PDE1C: variants seen among roughly 807,000 people sequenced by gnomAD.
PDE1C encodes phosphodiesterase 1C, also known as dual specificity calcium/calmodulin-dependent 3',5'-cyclic nucleotide phosphodiesterase 1C.
PDE1C carries 62 observed loss-of-function variants against 93.1 expected under a neutral mutation model. That is an observed-to-expected ratio of 0.67 (90% CI 0.54 to 0.82). The LOEUF (loss-of-function observed/expected upper bound fraction) is 0.82. PDE1C is among the 40% of genes least tolerant of loss of function. The probability of loss-of-function intolerance (pLI) is 0.00; values close to 1 mark genes in which losing one functional copy is unlikely to be tolerated. For synonymous variants in PDE1C, 325 were observed against 310.1 expected, an observed-to-expected ratio of 1.05 and a Z score of -0.50; for missense variants, 742 against 884.6, an observed-to-expected ratio of 0.84 and a Z score of 2.04.
At chr7:31,924,652 T>C (rs1160935232) in intron 2 of PDE1C, among the ~76,000 whole-genome samples, 4 of 152,342 alleles carry the variant, frequency 2.6e-5, no homozygotes, top group South Asian at 4.2e-4. Flanking sequence ...CCCGAGTTTA[T>C]ATATAAGCAG....
chr7:31,765,910 C>A (rs1382476489), intron 17 of PDE1C, among the ~76,000 whole-genome samples: 1 of 152,170 alleles, frequency 6.6e-6, no homozygotes, highest in Non-Finnish European at 1.5e-5. Context: ...GAAAAGAGCA[C>A]AGGCCTGCCC....
At chr7:31,796,413 T>C (rs1323676888) in intron 16 of PDE1C, among the ~76,000 whole-genome samples, 1 of 151,688 alleles carries the variant, frequency 6.6e-6, no homozygotes, top group African/African-American at 2.4e-5. Context: ...TCACCTGCCA[T>C]CTTGTTCCTT....
chr7:32,176,972 G>A (rs890280928), intron 2 of PDE1C, among the ~76,000 whole-genome samples: 1 of 152,206 alleles, frequency 6.6e-6, no homozygotes, highest in Non-Finnish European at 1.5e-5. Context: ...AGGCTCTGAA[G>A]AGATGTTTGC....
At chr7:31,717,663 A>G in the PDE1C span, among the ~76,000 whole-genome samples, 3 of 152,322 alleles carry the variant, frequency 2.0e-5, no homozygotes, top group Admixed American at 2.0e-4. Context: ...AAAAAGACCA[A>G]AAATTAAGCA....
At chr7:31,634,386 C>T in the PDE1C span, among the ~76,000 whole-genome samples, 1 of 152,104 alleles carries the variant, frequency 6.6e-6, no homozygotes, top group African/African-American at 2.4e-5. Context: ...ATTATGTAGC[C>T]TATATATTAT....
chr7:31,881,908 G>A (rs1431064739), intron 2 of PDE1C, among the ~76,000 whole-genome samples: 1 of 152,152 alleles, frequency 6.6e-6, no homozygotes, highest in East Asian at 1.9e-4. Context: ...ATAACCAAAT[G>A]AGAAAAATTC....
intron 2 of PDE1C, among the ~76,000 whole-genome samples, chr7:32,199,716 T>C (rs1584945427): frequency 6.6e-6 from 1 of 152,202 alleles, no homozygotes; most frequent in South Asian, 2.1e-4. Context: ...TTCTGTCATT[T>C]TTAAATAGAC....
chr7:32,397,073 AG>A (rs1784851258), intron 1 of PDE1C, among the ~76,000 whole-genome samples: 1 of 152,200 alleles, frequency 6.6e-6, no homozygotes, highest in Non-Finnish European at 1.5e-5. Flanking sequence ...GGTAGGGAAA[AG>A]CTTCCTAACT....
At position 31,837,113 on chromosome 7, in the gene PDE1C, G is replaced by A. The variant is rs142098702; in HGVS notation, c.1203+67C>T. ...TCTCAATAGTCCTTATCCTAGCATT[G>A]CTGAGATATAAAATTCATAAAATAT... On this transcript the variant is annotated intron_variant, in intron 11 of 17. Transcript: ENST00000396191. 4.0e-6 allele frequency: 6 copies of A among 1,505,696 alleles called. No homozygotes were observed. The African/African-American group carries it at 6.9e-5, about 17-fold the overall frequency. The allele number at this position is 1,505,696 out of a possible 1,614,324, so 93.3% of individuals were successfully genotyped here.
At chr7:32,018,864 C>T (rs868117980) in intron 2 of PDE1C, among the ~76,000 whole-genome samples, 1 of 151,912 alleles carries the variant, frequency 6.6e-6, no homozygotes, top group African/African-American at 2.4e-5. Context: ...TTTTTCTAAT[C>T]CCTTGACAAC....
At chr7:31,843,288 C>T (rs532556300) in intron 9 of PDE1C, among the ~76,000 whole-genome samples, 13 of 151,924 alleles carry the variant, frequency 8.6e-5, no homozygotes, top group South Asian at 8.3e-4. Flanking sequence ...CAACTGCTGA[C>T]GCAAGAATCT....
chr7:32,342,281 G>A (rs1462997522), intron 1 of PDE1C, among the ~76,000 whole-genome samples: 6 of 152,064 alleles, frequency 3.9e-5, no homozygotes, highest in Admixed American at 2.6e-4. Flanking sequence ...ATTTAGACAC[G>A]CAGAATTTTA....
the PDE1C span, among the ~76,000 whole-genome samples, chr7:31,624,748 C>T: frequency 1.3e-5 from 2 of 151,566 alleles, no homozygotes; most frequent in East Asian, 1.9e-4. Flanking sequence ...AAAGCAATGG[C>T]AACAAAAGCC....
intron 17 of PDE1C, among the ~76,000 whole-genome samples, chr7:31,758,318 A>T (rs1026056236): frequency 1.5e-4 from 21 of 138,182 alleles, no homozygotes; most frequent in Admixed American, 3.7e-4. Flanking sequence ...AAAAAAAATT[A>T]AAAAAAAATT....
In PDE1C at chr7:32,104,240, C is replaced by T. The variant is rs115069402; in HGVS notation, c.308+65545G>A. Reference sequence around the variant, plus strand: ...ATCAAGGTACAACATCATGAAAGTTCGGACCAGAACTAGAGAGAATATACT... The same window carrying T: ...ATCAAGGTACAACATCATGAAAGTTTGGACCAGAACTAGAGAGAATATACT... On this transcript the variant is annotated intron_variant, in intron 3 of 18. Transcript: ENST00000396193. Among the ~76,000 whole-genome samples, 875 of 152,184 alleles carry T rather than the reference C, an allele frequency of 5.7e-3. 7 individuals carry two copies. The highest frequency in any genetic ancestry group is 0.02 in the African/African-American group (813 of 41,524).
At chr7:31,825,225 C>T (rs1284662794) in intron 12 of PDE1C, among the ~76,000 whole-genome samples, 7 of 152,170 alleles carry the variant, frequency 4.6e-5, no homozygotes, top group African/African-American at 1.7e-4. Context: ...ACACTCAACA[C>T]CCACTATAGA....
intron 1 of PDE1C, among the ~76,000 whole-genome samples, chr7:32,277,330 G>C (rs959270039): frequency 2.0e-5 from 3 of 152,154 alleles, no homozygotes; most frequent in Admixed American, 6.5e-5. Flanking sequence ...TACATGAATA[G>C]TTTCTTTAAT....
chr7:31,691,626 A>G, the PDE1C span, among the ~76,000 whole-genome samples: 501 of 152,100 alleles, frequency 3.3e-3, 3 homozygotes, highest in African/African-American at 0.012. Flanking sequence ...TTTCCAGGAA[A>G]GATGGAGGGT....
intron 3 of PDE1C, among the ~76,000 whole-genome samples, chr7:32,129,324 TG>T (rs1025177415): frequency 8.1e-6 from 1 of 123,548 alleles, no homozygotes; most frequent in Non-Finnish European, 1.6e-5. Context: ...TATTTGTTTT[TG>T]AGAAAACATA....
Sources: gnomAD v4.1 joint callset for allele counts (sites outside exome capture counted in the v4.1 genomes callset) on GRCh38, gnomAD v4.1.1 for gene constraint, MANE v1.5 for transcripts, NCBI Gene and HGNC (gene_info 2026-07-23, HGNC 2026-07-21) for gene names.